WDFY4: variants seen among roughly 807,000 people sequenced by gnomAD.
WDFY4 encodes the protein WDFY family member 4.
Under a neutral mutation model 351.9 loss-of-function variants are expected in WDFY4, and 169 were observed. The ratio of observed to expected loss-of-function variants is 0.48; its 90% confidence interval spans 0.42 to 0.55. WDFY4 has a LOEUF of 0.55. Among genes scored for constraint, WDFY4 ranks in the 20% least tolerant of loss-of-function variants. WDFY4 has a pLI of 0.00. For missense variants in WDFY4, 3,803 were observed against 3,935.6 expected (o/e 0.97, Z 0.90); for synonymous variants, 1,622 against 1,574.6 (o/e 1.03, Z -0.71).
intron 28 of WDFY4, among the ~76,000 whole-genome samples, chr10:48,810,219 G>A (rs541720655): frequency 6.6e-6 from 1 of 152,296 alleles, no homozygotes; most frequent in South Asian, 2.1e-4. Context: ...CACTGTGTAA[G>A]TATGAATAGT....
chr10:48,822,291 A>T, intron 34 of WDFY4, 89 bp from the exon 35 acceptor site: 1 of 1,355,148 alleles, frequency 7.4e-7, no homozygotes, highest in Non-Finnish European at 9.7e-7. Context: ...GGTGAATAAG[A>T]TGCAGTTGGT....
At chr10:48,833,174 A>G (rs2940715) in intron 39 of WDFY4, among the ~76,000 whole-genome samples, 1 of 117,884 alleles carries the variant, frequency 8.5e-6, no homozygotes, top group African/African-American at 3.2e-5. Context: ...TGTGTGTGTG[A>G]GAGAGAGAGA....
Position 48,969,256 on chromosome 10 carries a change from G to A in WDFY4, c.8769+8G>A, listed in dbSNP as rs779361159. 3.9e-6 allele frequency: 6 copies of A among 1,550,828 alleles called. No individual in the cohort carries two copies. Among genetic ancestry groups the A allele is most frequent in the Middle Eastern group, 3.4e-4 (2 of 5,878 alleles). On this transcript the variant is annotated splice_region_variant and intron_variant, in intron 56 of 61. Transcript: ENST00000325239. ...AGCTACGGCTCCGACAAGGTGAGGG[G>A]GCTGCAGGGAGCAGGGGCAGCCTCA... is the stretch of plus-strand genomic sequence containing the variant.
intron 32 of WDFY4, among the ~76,000 whole-genome samples, chr10:48,818,921 C>A (rs2067714610): frequency 6.6e-6 from 1 of 152,200 alleles, no homozygotes; most frequent in Non-Finnish European, 1.5e-5. Context: ...CAAGGGCGAG[C>A]CTACAGGCTC....
chr10:48,750,993 T>C (rs1177762076), intron 12 of WDFY4, among the ~76,000 whole-genome samples: 1 of 152,216 alleles, frequency 6.6e-6, no homozygotes, highest in Non-Finnish European at 1.5e-5. Context: ...GCAAGGCAGA[T>C]AGTCTTGGAC....
intron 12 of WDFY4, among the ~76,000 whole-genome samples, chr10:48,757,025 T>C (rs532704125): frequency 4.6e-5 from 7 of 151,592 alleles, no homozygotes; most frequent in Non-Finnish European, 8.9e-5. Flanking sequence ...CTCTTTTAAA[T>C]GTATGGTAGA....
At position 48,937,241 on chromosome 10, in the gene WDFY4, G is replaced by A. The variant is rs573790647; in HGVS notation, c.7587-4565G>A. Among the ~76,000 whole-genome samples, 23 of 152,292 alleles carry A rather than the reference G, an allele frequency of 1.5e-4. No homozygotes were observed. In the East Asian group the frequency reaches 4.4e-3, roughly 29 times the overall value. ...TACAGCCTCATATTATGGCATAGTTGTACCATAACAATCTGGTCAATTTAC... is the reference window on the plus strand; with the variant it reads ...TACAGCCTCATATTATGGCATAGTTATACCATAACAATCTGGTCAATTTAC... On this transcript the variant is annotated intron_variant, in intron 47 of 61. Transcript: ENST00000325239.
At position 48,900,301 on chromosome 10, in the gene WDFY4, TA is replaced by T; in HGVS notation, c.7522del (p.Ser2508AlafsTer9). The T allele has an allele frequency of 6.4e-7, 1 of 1,551,018 alleles. No individual in the cohort carries two copies. The highest frequency in any genetic ancestry group is 8.7e-7 in the Non-Finnish European group (1 of 1,146,658). ...FYNNDRSKAF[K>X]SFCSFQPSLK... ...ACAACAATGATCGGAGTAAGGCCTT[TA>T]AAAGGTAAGAGCTTGAAAATCCTCC... On this transcript the variant is annotated frameshift_variant, in exon 46 of 62. Coordinates refer to ENST00000325239, the MANE Select transcript of WDFY4 (RefSeq NM_001394531.1). LOFTEE classifies it high-confidence loss of function.
At chr10:48,781,928 C>T (rs940880297) in intron 19 of WDFY4, among the ~76,000 whole-genome samples, 2 of 152,180 alleles carry the variant, frequency 1.3e-5, no homozygotes, top group Non-Finnish European at 2.9e-5. Flanking sequence ...TTTAAACTGA[C>T]TATAGCAAGA....
At chr10:48,867,435 G>A in intron 40 of WDFY4, 93 bp downstream of exon 40, 1 of 767,644 alleles carries the variant, frequency 1.3e-6, no homozygotes, top group African/African-American at 1.9e-5. Context: ...TTTACGTTCT[G>A]GATTGCTCAC....
chr10:48,759,345 G>T (rs1445532978), intron 12 of WDFY4, among the ~76,000 whole-genome samples: 1 of 152,154 alleles, frequency 6.6e-6, no homozygotes, highest in African/African-American at 2.4e-5. Flanking sequence ...CTCCCAAGGG[G>T]TCCCTTCCTG....
At chr10:48,818,706 T>C (rs1348708096) in intron 32 of WDFY4, among the ~76,000 whole-genome samples, 2 of 152,230 alleles carry the variant, frequency 1.3e-5, no homozygotes, top group Non-Finnish European at 2.9e-5. Flanking sequence ...AAAGTAGTTT[T>C]AATAAAAAGA....
At chr10:48,820,173 T>G (rs1209986797) in intron 32 of WDFY4, 61 bp from the exon 33 acceptor site, 1 of 1,521,504 alleles carries the variant, frequency 6.6e-7, no homozygotes, top group African/African-American at 1.4e-5. Flanking sequence ...ATGGCACAGG[T>G]TGGTGGGAAA....
chr10:48,891,719 A>G (rs542460960), intron 44 of WDFY4, among the ~76,000 whole-genome samples: 1 of 152,304 alleles, frequency 6.6e-6, no homozygotes, highest in Admixed American at 6.5e-5. Flanking sequence ...GAGGTTTAGT[A>G]AGTTCCCAGC....
chr10:48,823,671 G>T, intron 35 of WDFY4: 1 of 1,004,574 alleles, frequency 1.0e-6, no homozygotes, highest in Non-Finnish European at 1.2e-6. Flanking sequence ...TAAATGGAAA[G>T]AAGCTGCTGA....
chr10:48,696,599 G>A (rs1476879732), intron 1 of WDFY4, among the ~76,000 whole-genome samples: 2 of 152,364 alleles, frequency 1.3e-5, no homozygotes, highest in African/African-American at 2.4e-5. Flanking sequence ...GGCCAGCCCA[G>A]GGGGAGGTGA....
intron 12 of WDFY4, among the ~76,000 whole-genome samples, chr10:48,752,500 A>G (rs928606148): frequency 6.6e-6 from 1 of 152,194 alleles, no homozygotes; most frequent in Non-Finnish European, 1.5e-5. Context: ...TCTAATTCAA[A>G]ACACTTTTAT....
At chr10:48,944,257 G>A (rs10857662) in intron 49 of WDFY4, among the ~76,000 whole-genome samples, 57,267 of 152,146 alleles carry the variant, frequency 0.38, 12,889 homozygotes, top group Non-Finnish European at 0.5. Context: ...ATGGTGTCTG[G>A]GCCTCATCTG....
intron 10 of WDFY4, among the ~76,000 whole-genome samples, chr10:48,735,022 C>T (rs953356319): frequency 1.4e-5 from 2 of 147,766 alleles, no homozygotes; most frequent in African/African-American, 5.0e-5. Flanking sequence ...AACTCCTGAG[C>T]TCAGGCGATC....
Sources: gnomAD v4.1 joint callset for allele counts (sites outside exome capture counted in the v4.1 genomes callset) on GRCh38, gnomAD v4.1.1 for gene constraint, MANE v1.5 for transcripts, NCBI Gene and HGNC (gene_info 2026-07-23, HGNC 2026-07-21) for gene names.